CNTN5: variants seen among roughly 807,000 people sequenced by gnomAD.
CNTN5 encodes contactin 5.
Under a neutral mutation model 129.1 loss-of-function variants are expected in CNTN5, and 77 were observed. That is an observed-to-expected ratio of 0.60 (90% CI 0.50 to 0.72). The LOEUF is 0.72. CNTN5 is among the 30% of genes least tolerant of loss of function. CNTN5 has a pLI of 0.00. For synonymous variants in CNTN5, 509 were observed against 465.6 expected (o/e 1.09, Z -1.20); for missense variants, 1,478 against 1,328.8 (o/e 1.11, Z -1.75).
intron 1 of CNTN5, among the ~76,000 whole-genome samples, chr11:99,063,633 A>T (rs1864980036): frequency 6.6e-6 from 1 of 152,112 alleles, no homozygotes; most frequent in Non-Finnish European, 1.5e-5. Flanking sequence ...AATTCATTAT[A>T]TGTTCAACTA....
rs1826329872 is a variant in CNTN5, at chr11:100,358,142, T to C, written c.*1922T>C. The C allele has an allele frequency of 1.3e-5, 2 of 151,868 alleles. No individual in the cohort carries two copies. The highest frequency in any genetic ancestry group is 6.6e-5 in the Admixed American group (1 of 15,190). The allele number at this position is 151,868 out of a possible 1,614,324, so 9.4% of individuals were successfully genotyped here. ...TCTGAATAAAAGACAGAAAGAATAT[T>C]TTTAATGCAAAATAATTTTACGTAT... On this transcript the variant is annotated 3_prime_UTR_variant, in exon 25 of 25. Coordinates refer to ENST00000524871, the MANE Select transcript of CNTN5 (RefSeq NM_014361.4).
At chr11:99,458,834 C>G (rs937172987) in intron 2 of CNTN5, among the ~76,000 whole-genome samples, 5 of 151,968 alleles carry the variant, frequency 3.3e-5, no homozygotes, top group African/African-American at 9.7e-5. Flanking sequence ...ATTCTCAAGA[C>G]AGCAGTGATT....
At chr11:99,882,987 G>T (rs1948811072) in intron 6 of CNTN5, among the ~76,000 whole-genome samples, 2 of 152,018 alleles carry the variant, frequency 1.3e-5, no homozygotes, top group African/African-American at 2.4e-5. Context: ...TTCTGTGCCT[G>T]GCTTATTTCA....
At chr11:99,773,434 G>A (rs1364463601) in intron 3 of CNTN5, among the ~76,000 whole-genome samples, 2 of 151,924 alleles carry the variant, frequency 1.3e-5, no homozygotes, top group Non-Finnish European at 2.9e-5. Flanking sequence ...AAAACTATTA[G>A]AAATCCCTTC....
In CNTN5 at chr11:99,658,888, CAAAAAA is replaced by C. The variant is rs10673721; in HGVS notation, c.55+102631_55+102636del. 6.7e-5 allele frequency among the ~76,000 whole-genome samples: 8 copies of C among 119,226 alleles called. 1 individual carries two copies. Among genetic ancestry groups the C allele is most frequent in the African/African-American group, 9.8e-5 (3 of 30,590 alleles). 78.2% of individuals were successfully genotyped at this position (119,226 alleles called of 152,430 possible). A position where few individuals can be genotyped will look rare whatever the true frequency, so the allele number is the denominator to read the frequency against. ...GGGCAACAGGAGTGAAACTCTGTCT[CAAAAAA>C]AAAAAAAAAAAGAAAAAGAAAAATA... is the stretch of plus-strand genomic sequence containing the variant. On this transcript the variant is annotated intron_variant, in intron 3 of 24. Transcript: ENST00000524871.
chr11:99,397,393 G>A (rs993304182), intron 2 of CNTN5, among the ~76,000 whole-genome samples: 2 of 151,652 alleles, frequency 1.3e-5, no homozygotes, highest in Non-Finnish European at 3.0e-5. Flanking sequence ...ATACTCTTAG[G>A]AAGAAAGTCA....
intron 1 of CNTN5, among the ~76,000 whole-genome samples, chr11:99,113,605 T>C (rs1262329410): frequency 6.6e-6 from 1 of 152,130 alleles, no homozygotes; most frequent in Non-Finnish European, 1.5e-5. Flanking sequence ...TAACTCCGGA[T>C]ACCTTGGTTG....
intron 1 of CNTN5, among the ~76,000 whole-genome samples, chr11:99,189,291 G>T (rs983341952): frequency 1.3e-5 from 2 of 151,204 alleles, no homozygotes; most frequent in African/African-American, 4.8e-5. Flanking sequence ...TTTATTTATC[G>T]TTTGATAGAT....
chr11:100,045,482 T>G (rs1348832328), intron 9 of CNTN5, among the ~76,000 whole-genome samples: 1 of 151,984 alleles, frequency 6.6e-6, no homozygotes. Flanking sequence ...ATGGAGAAAA[T>G]ATAAAAATCT....
At chr11:99,831,478 C>T (rs1441144694) in intron 4 of CNTN5, among the ~76,000 whole-genome samples, 1 of 152,158 alleles carries the variant, frequency 6.6e-6, no homozygotes, top group East Asian at 1.9e-4. Flanking sequence ...TTCTGTTGAC[C>T]AGTGCCGGCT....
chr11:99,599,578 G>T (rs1418781047), intron 3 of CNTN5, among the ~76,000 whole-genome samples: 2 of 152,064 alleles, frequency 1.3e-5, no homozygotes, highest in Non-Finnish European at 2.9e-5. Context: ...TTAAAGTAAA[G>T]TGAGTTATAC....
chr11:99,923,190 G>T (rs751657236), intron 7 of CNTN5, among the ~76,000 whole-genome samples: 1 of 152,092 alleles, frequency 6.6e-6, no homozygotes, highest in African/African-American at 2.4e-5. Flanking sequence ...CTTCCCAAGA[G>T]ATCAATATTA....
chr11:99,281,478 G>A (rs2447137), intron 1 of CNTN5, among the ~76,000 whole-genome samples: 15,894 of 151,974 alleles, frequency 0.1, 2,453 homozygotes, highest in African/African-American at 0.34. Context: ...CTTATCCATA[G>A]CTCAGGTGGT....
chr11:99,416,872 T>G (rs1014806616), intron 2 of CNTN5, among the ~76,000 whole-genome samples: 4 of 152,148 alleles, frequency 2.6e-5, no homozygotes, highest in African/African-American at 9.7e-5. Context: ...ACAATTGTTC[T>G]CTCCCACTTG....
intron 9 of CNTN5, among the ~76,000 whole-genome samples, chr11:100,032,508 GATAT>G: frequency 6.6e-6 from 1 of 150,632 alleles, no homozygotes; most frequent in Admixed American, 6.6e-5. Flanking sequence ...AAAAAATAAT[GATAT>G]ATATATATAT....
chr11:99,073,373 G>GTTTTTTTTT (rs1491116506), intron 1 of CNTN5, among the ~76,000 whole-genome samples: 3 of 87,328 alleles, frequency 3.4e-5, no homozygotes, highest in South Asian at 4.1e-4. Context: ...TTTATGGTTT[G>GTTTTTTTTT]GTTTTTTTTT....
intron 18 of CNTN5, among the ~76,000 whole-genome samples, chr11:100,292,673 C>A (rs1330175113): frequency 6.6e-6 from 1 of 151,872 alleles, no homozygotes; most frequent in Non-Finnish European, 1.5e-5. Context: ...GAGGGAGATG[C>A]CATAGCAAAT....
At chr11:99,514,765 C>A (rs111237074) in intron 2 of CNTN5, among the ~76,000 whole-genome samples, 1 of 152,002 alleles carries the variant, frequency 6.6e-6, no homozygotes, top group African/African-American at 2.4e-5. Flanking sequence ...ACTGCGAAAC[C>A]AAAAAGCTAG....
chr11:99,677,999 C>G (rs1181746361), intron 3 of CNTN5, among the ~76,000 whole-genome samples: 2 of 152,048 alleles, frequency 1.3e-5, no homozygotes, highest in African/African-American at 4.8e-5. Context: ...TCTACTGAAG[C>G]ACTTTATTTC....
Sources: allele counts gnomAD v4.1 joint callset (sites outside exome capture counted in the v4.1 genomes callset), GRCh38; gene constraint gnomAD v4.1.1; transcripts MANE v1.5; gene names NCBI Gene and HGNC (gene_info 2026-07-23, HGNC 2026-07-21).